Variants in CCDC88A observed in about 807,000 individuals in gnomAD.
CCDC88A encodes the protein coiled-coil and HOOK domain protein 88A.
CCDC88A carries 54 observed loss-of-function variants against 234.3 expected under a neutral mutation model. The observed-to-expected ratio is 0.23, with a 90% confidence interval of 0.19 to 0.29. CCDC88A has a LOEUF of 0.29. Ranked by LOEUF, CCDC88A falls within the 10% of genes least tolerant of loss-of-function variation. The pLI is 1.00. For synonymous variants in CCDC88A, 753 were observed against 737.8 expected (o/e 1.02, Z -0.33); for missense variants, 1,832 against 2,123.4 (o/e 0.86, Z 2.70).
Position 55,366,534 on chromosome 2 carries a change from T to TACACACAC in CCDC88A, c.403-2509_403-2502dup, listed in dbSNP as rs201666406. 1.8e-3 allele frequency among the ~76,000 whole-genome samples: 235 copies of TACACACAC among 127,728 alleles called. 3 individuals are homozygous for TACACACAC. The highest frequency in any genetic ancestry group is 4.8e-3 in the Admixed American group (59 of 12,288). 83.8% of individuals were successfully genotyped at this position (127,728 alleles called of 152,430 possible). A position where few individuals can be genotyped will look rare whatever the true frequency, so the allele number is the denominator to read the frequency against. Reference sequence around the variant, plus strand: ...AGAGCAAGACTCTGTCACACACACATACACACACACACACACACACACACA... The same window carrying TACACACAC: ...AGAGCAAGACTCTGTCACACACACATACACACACACACACACACACACACACACACACA... On this transcript the variant is annotated intron_variant, in intron 5 of 32. Coordinates refer to ENST00000436346, the MANE Select transcript of CCDC88A (RefSeq NM_001365480.1).
chr2:55,308,955 C>T lies in CCDC88A; in HGVS notation c.4241G>A (p.Arg1414His), dbSNP rs578029788. Residue 1414 changes from arginine to histidine, a missense_variant, in exon 25 of 33, where the codon CGC becomes CAC. Around this residue, in one of 6 missense-constraint regions of CCDC88A, gnomAD observed 1,282 missense variants for 1,543.6 expected, o/e 0.83. Transcript: ENST00000436346. ...IKSKKDINRE[R>H]QKSLTLTPTR... ...GGGTGTTAATGTTAGAGATTTCTGG[C>T]GTTCCCGATTAATATCTTTCTTAGA... is the stretch of plus-strand genomic sequence containing the variant. 13 of 1,613,988 alleles carry T rather than the reference C, an allele frequency of 8.1e-6. No homozygotes were observed. Among genetic ancestry groups the T allele is most frequent in the East Asian group, 2.2e-5 (1 of 44,864 alleles).
chr2:55,389,987 G>C (rs185258051), intron 2 of CCDC88A, among the ~76,000 whole-genome samples: 24 of 133,216 alleles, frequency 1.8e-4, no homozygotes, highest in African/African-American at 6.1e-4. Context: ...GTTGCAGTGA[G>C]CCAGGATCGC....
At chr2:55,379,190 A>G (rs1412942464) in intron 3 of CCDC88A, among the ~76,000 whole-genome samples, 2 of 152,160 alleles carry the variant, frequency 1.3e-5, no homozygotes, top group Non-Finnish European at 2.9e-5. Context: ...ATCATCATAG[A>G]CTCCCCAGAC....
rs1446653572 is a variant in CCDC88A at position 55,384,560 on chromosome 2, C to CATATATACGTATGTATGTGTATATAT, written c.273+4217_273+4218insATATATACACATACATACGTATATAT. On this transcript the variant is annotated intron_variant, in intron 3 of 32. Coordinates refer to ENST00000436346, the MANE Select transcript of CCDC88A (RefSeq NM_001365480.1). ...ATATACGTATATATGTGTATATATA[C>CATATATACGTATGTATGTGTATATAT]ACATATATACGTATATATGTGTATA... Among the ~76,000 whole-genome samples the CATATATACGTATGTATGTGTATATAT allele has an allele frequency of 5.6e-3, 106 of 19,004 alleles. 28 individuals carry two copies. Among genetic ancestry groups the CATATATACGTATGTATGTGTATATAT allele is most frequent in the African/African-American group, 0.021 (62 of 3,008 alleles). The allele number at this position is 19,004 out of a possible 152,430, so 12.5% of individuals were successfully genotyped here.
intron 2 of CCDC88A, among the ~76,000 whole-genome samples, chr2:55,402,970 C>G (rs1349231217): frequency 6.6e-6 from 1 of 151,900 alleles, no homozygotes; most frequent in African/African-American, 2.4e-5. Flanking sequence ...GATCACGCCA[C>G]TGCACTCCAG....
chr2:55,352,111 TC>T (rs2104750738), intron 8 of CCDC88A, among the ~76,000 whole-genome samples: 2 of 152,194 alleles, frequency 1.3e-5, no homozygotes, highest in East Asian at 3.9e-4. Context: ...ATATGGGGTT[TC>T]TTTTTGTGGT....
chr2:55,354,761 T>G (rs1032445141), intron 8 of CCDC88A, among the ~76,000 whole-genome samples: 3 of 151,540 alleles, frequency 2.0e-5, no homozygotes, highest in Non-Finnish European at 4.4e-5. Flanking sequence ...GAGACGGGGT[T>G]TCACCATGTT....
chr2:55,339,348 A>G lies in CCDC88A; in HGVS notation c.1518+116T>C, dbSNP rs558698039. ...TATTTGTGTATATTTGAAAATTTTCATAACAAGTTAAAATAACATTGAGCG... is the reference window on the plus strand; with the variant it reads ...TATTTGTGTATATTTGAAAATTTTCGTAACAAGTTAAAATAACATTGAGCG... On this transcript the variant is annotated intron_variant, in intron 13 of 32. Coordinates refer to ENST00000436346, the MANE Select transcript of CCDC88A (RefSeq NM_001365480.1). 38 of 939,736 alleles carry G rather than the reference A, an allele frequency of 4.0e-5. No individual in the cohort carries two copies. In the Admixed American group the frequency reaches 7.6e-4, roughly 19 times the overall value. 58.2% of individuals were successfully genotyped at this position (939,736 alleles called of 1,614,324 possible). A position where few individuals can be genotyped will look rare whatever the true frequency, so the allele number is the denominator to read the frequency against.
chr2:55,411,072 C>G (rs1046436367), intron 2 of CCDC88A, among the ~76,000 whole-genome samples: 3 of 152,154 alleles, frequency 2.0e-5, no homozygotes, highest in African/African-American at 7.2e-5. Flanking sequence ...TCCCACCACT[C>G]TGACTCTCCA....
At chr2:55,329,684 T>C (rs1030486886) in intron 16 of CCDC88A, 2 of 152,064 alleles carry the variant, frequency 1.3e-5, no homozygotes, top group African/African-American at 4.8e-5. Flanking sequence ...AACAACCATA[T>C]TGAAAGAGAA....
chr2:55,395,902 A>T (rs776203806), intron 2 of CCDC88A, among the ~76,000 whole-genome samples: 1 of 152,232 alleles, frequency 6.6e-6, no homozygotes, highest in Non-Finnish European at 1.5e-5. Flanking sequence ...GAGTCTCTCA[A>T]ATAAAAGCAT....
At chr2:55,358,020 C>T (rs1186974332) in intron 7 of CCDC88A, among the ~76,000 whole-genome samples, 1 of 152,186 alleles carries the variant, frequency 6.6e-6, no homozygotes, top group Non-Finnish European at 1.5e-5. Context: ...CTCAACTCCT[C>T]CCCGCTTTTA....
intron 2 of CCDC88A, among the ~76,000 whole-genome samples, chr2:55,401,966 C>T (rs1678779011): frequency 6.8e-6 from 1 of 147,296 alleles, no homozygotes; most frequent in South Asian, 2.2e-4. Flanking sequence ...TTGGTTTCAT[C>T]TAAACTTAAT....
rs963715952 is a variant in CCDC88A, at chr2:55,319,780, A to T, written c.3163-776T>A. Among the ~76,000 whole-genome samples, 17 of 152,282 alleles carry T rather than the reference A, an allele frequency of 1.1e-4. 1 individual carries two copies. The highest frequency in any genetic ancestry group is 4.1e-4 in the African/African-American group (17 of 41,578). Reference sequence around the variant, plus strand: ...ACTTGTCATTAATATTTTCAGGATTATTTCTAAATTAAACTTCATAAAAAA... The same window carrying T: ...ACTTGTCATTAATATTTTCAGGATTTTTTCTAAATTAAACTTCATAAAAAA... On this transcript the variant is annotated intron_variant, in intron 18 of 32. Transcript: ENST00000436346.
intron 28 of CCDC88A, 99 bp downstream of exon 28, chr2:55,301,107 G>C (rs772571397): frequency 1.4e-6 from 1 of 708,780 alleles, no homozygotes; most frequent in African/African-American, 1.8e-5. Flanking sequence ...GAGAAAACAT[G>C]CTTGCTGGCA....
intron 21 of CCDC88A, 134 bp from the exon 22 acceptor site, chr2:55,316,248 A>T: frequency 4.9e-6 from 2 of 411,026 alleles, no homozygotes; most frequent in Non-Finnish European, 8.4e-6. Context: ...TACTAAACTT[A>T]TCAAAAATCA....
At chr2:55,318,762 T>A in intron 19 of CCDC88A, 81 bp downstream of exon 19, 1 of 1,111,520 alleles carries the variant, frequency 9.0e-7, no homozygotes, top group Non-Finnish European at 1.2e-6. Context: ...TAAGAAACAA[T>A]GTTTCCATGT....
intron 11 of CCDC88A, 189 bp from the exon 12 acceptor site, chr2:55,343,981 T>A: frequency 2.2e-6 from 1 of 450,534 alleles, no homozygotes. Flanking sequence ...TCTGACATCC[T>A]TTTAAGCTGA....
At chr2:55,396,048 A>G (rs867292470) in intron 2 of CCDC88A, among the ~76,000 whole-genome samples, 29 of 148,466 alleles carry the variant, frequency 2.0e-4, no homozygotes, top group African/African-American at 6.6e-4. Flanking sequence ...TGTTTTATTT[A>G]GGCAATCCAT....
Sources: gnomAD v4.1 joint callset for allele counts (sites outside exome capture counted in the v4.1 genomes callset) on GRCh38, gnomAD v4.1.1 for gene constraint, gnomAD v4.1.1 regional missense constraint, MANE v1.5 for transcripts, NCBI Gene and HGNC (gene_info 2026-07-23, HGNC 2026-07-21) for gene names.